The following ZNF280B variants were observed in gnomAD, a reference collection of about 807,000 sequenced individuals.
The protein encoded by ZNF280B is suppressor of hairy wing homolog 2.
In ZNF280B, 16 loss-of-function variants were observed where a neutral mutation model predicts 38.0. That is an observed-to-expected ratio of 0.42 (90% CI 0.28 to 0.64). ZNF280B has a LOEUF of 0.64. Among genes scored for constraint, ZNF280B ranks in the 30% least tolerant of loss-of-function variants. The pLI, the probability that ZNF280B is intolerant of heterozygous loss-of-function variation, is 0.21. For synonymous variants in ZNF280B, 253 were observed against 230.6 expected, an observed-to-expected ratio of 1.10 and a Z score of -0.88; for missense variants, 581 against 639.6, an observed-to-expected ratio of 0.91 and a Z score of 0.99.
chr22:22,488,669 T>TCC lies in ZNF280B; in HGVS notation c.729_730insGG (p.Ile244GlyfsTer7). 6.2e-7 allele frequency: 1 copy of TCC among 1,613,912 alleles called. No homozygotes were observed. The highest frequency in any genetic ancestry group is 2.2e-5 in the East Asian group (1 of 44,790). The stretch of plus-strand genomic sequence containing the variant: ...TTTGTATTTATAGGCTTGAAATGGA[T>TCC]ATTGTCCTTTGGAAAAGCTGCTGGA... On this transcript the variant is annotated frameshift_variant, in exon 4 of 4. Transcript: ENST00000626650. LOFTEE classifies it high-confidence loss of function.
intron 2 of ZNF280B, among the ~76,000 whole-genome samples, chr22:22,507,223 C>A (rs1413260983): frequency 6.6e-6 from 1 of 151,946 alleles, no homozygotes; most frequent in African/African-American, 2.4e-5. Flanking sequence ...TCACTGAAAC[C>A]TCATGAGTGA....
Position 22,488,307 on chromosome 22 carries a change from A to G in ZNF280B, c.1092T>C (p.Asn364=), listed in dbSNP as rs1337068339. The G allele has an allele frequency of 6.2e-7, 1 of 1,613,776 alleles. No individual in the cohort carries two copies. The highest frequency in any genetic ancestry group is 1.1e-5 in the South Asian group (1 of 91,070). ...TPFQLQCHIE[N]VHTAQEPSTV... The stretch of plus-strand genomic sequence containing the variant: ...TAGAGGGCTCCTGGGCAGTGTGGAC[A>G]TTTTCGATGTGACACTGTAGCTGGA... The change falls in exon 4 of 4, where the codon AAT becomes AAC. Residue 364 remains asparagine (N), a synonymous_variant. Coordinates refer to ENST00000626650, the MANE Select transcript of ZNF280B (RefSeq NM_080764.4).
chr22:22,488,677 T>C lies in ZNF280B; in HGVS notation c.722A>G (p.Lys241Arg). 1 of 1,613,894 alleles carries C rather than the reference T, an allele frequency of 6.2e-7. No homozygotes were observed. Among genetic ancestry groups the C allele is most frequent in the Non-Finnish European group, 8.5e-7 (1 of 1,179,970 alleles). ...NGAPFPAAFP[K>R]DNIHFKPINT... is the part of the protein sequence containing the mutation. ...TATAGGCTTGAAATGGATATTGTCC[T>C]TTGGAAAAGCTGCTGGAAAAGGTGC... Residue 241 changes from lysine to arginine, a missense_variant, in exon 4 of 4, where the codon AAG (lysine) becomes AGG (arginine). Physicochemically the swap from Lys to Arg is conservative, Grantham distance 26. Coordinates refer to ENST00000626650, the MANE Select transcript of ZNF280B (RefSeq NM_080764.4).
At chr22:22,496,912 G>A (rs1382350300) in intron 2 of ZNF280B, among the ~76,000 whole-genome samples, 1 of 150,800 alleles carries the variant, frequency 6.6e-6, no homozygotes, top group Non-Finnish European at 1.5e-5. Context: ...CCACCTCCTG[G>A]GTTCAAGCAA....
intron 2 of ZNF280B, among the ~76,000 whole-genome samples, chr22:22,506,258 T>C (rs1380255455): frequency 6.6e-6 from 1 of 151,710 alleles, no homozygotes; most frequent in African/African-American, 2.4e-5. Context: ...ATCTAAGCTC[T>C]GGAGCATTCC....
intron 2 of ZNF280B, among the ~76,000 whole-genome samples, chr22:22,499,267 TTTAA>T (rs1322993870): frequency 6.6e-6 from 1 of 151,476 alleles, no homozygotes; most frequent in Non-Finnish European, 1.5e-5. Flanking sequence ...TATTTTTAAT[TTTAA>T]TTTTTTTTTT....
intron 2 of ZNF280B, among the ~76,000 whole-genome samples, chr22:22,499,782 A>C (rs895588471): frequency 2.6e-5 from 4 of 152,032 alleles, no homozygotes; most frequent in African/African-American, 9.7e-5. Context: ...ATCAGGAACA[A>C]GACAGATATC....
rs999554465 is a variant in ZNF280B, at chr22:22,489,120, G to A, written c.279C>T (p.Thr93=). 1.1e-5 allele frequency: 17 copies of A among 1,613,670 alleles called. No homozygotes were observed. The highest frequency in any genetic ancestry group is 1.6e-4 in the Middle Eastern group (1 of 6,074). The part of the protein sequence containing the change: ...ARKLQPKSHE[T]VTSEAVTVLP... ...GGACGGTCACTGCTTCTGATGTAAC[G>A]GTCTCATGACTTTTAGGCTGCAATT... The change falls in exon 4 of 4, where the codon ACC becomes ACT. Residue 93 remains threonine (T), a synonymous_variant. Coordinates refer to ENST00000626650, the MANE Select transcript of ZNF280B (RefSeq NM_080764.4).
chr22:22,494,465 C>T (rs1412799395), intron 2 of ZNF280B, among the ~76,000 whole-genome samples: 1 of 151,874 alleles, frequency 6.6e-6, no homozygotes, highest in Non-Finnish European at 1.5e-5. Flanking sequence ...TCTAGATGTC[C>T]AGAGACCCTT....
At position 22,487,730 on chromosome 22, in the gene ZNF280B, G is replaced by A; in HGVS notation, c.*37C>T. 6.6e-7 allele frequency: 1 copy of A among 1,518,894 alleles called. No homozygotes were observed. Among genetic ancestry groups the A allele is most frequent in the Non-Finnish European group, 8.8e-7 (1 of 1,136,284 alleles). 94.1% of individuals were successfully genotyped at this position (1,518,894 alleles called of 1,614,324 possible). A position where few individuals can be genotyped will look rare whatever the true frequency, so the allele number is the denominator to read the frequency against. On this transcript the variant is annotated 3_prime_UTR_variant, in exon 4 of 4. Coordinates refer to ENST00000626650, the MANE Select transcript of ZNF280B (RefSeq NM_080764.4). Reference sequence around the variant, plus strand: ...TTGTTTTATGAGGTTTTTTAATTTGGTTTGAAATACTTGCTTTAGATTTAC... The same window carrying A: ...TTGTTTTATGAGGTTTTTTAATTTGATTTGAAATACTTGCTTTAGATTTAC...
In ZNF280B at chr22:22,485,906, C is replaced by G. The variant is rs2061495332; in HGVS notation, c.*1861G>C. 1 of 152,008 alleles carries G rather than the reference C, an allele frequency of 6.6e-6. No homozygotes were observed. Among genetic ancestry groups the G allele is most frequent in the East Asian group, 2.0e-4 (1 of 5,056 alleles). The allele number at this position is 152,008 out of a possible 1,614,324, so 9.4% of individuals were successfully genotyped here. On this transcript the variant is annotated 3_prime_UTR_variant, in exon 4 of 4. Transcript: ENST00000626650. The stretch of plus-strand genomic sequence containing the variant: ...GCAGGGAGACAACTCCGGGAGTCCA[C>G]AGAGGCAGCCAAGACTGCTGATGTT...
At chr22:22,507,082 T>C (rs1403606895) in intron 2 of ZNF280B, among the ~76,000 whole-genome samples, 3 of 151,902 alleles carry the variant, frequency 2.0e-5, no homozygotes, top group Non-Finnish European at 4.4e-5. Flanking sequence ...TGCTGTGACA[T>C]GAACAGCCCC....
chr22:22,498,793 C>CTTTT (rs60940298), intron 2 of ZNF280B, among the ~76,000 whole-genome samples: 1,950 of 83,458 alleles, frequency 0.023, 130 homozygotes, highest in African/African-American at 0.083. Context: ...GGCCAATATC[C>CTTTT]TTTTTTTTTT....
At chr22:22,501,008 A>T (rs1444680112) in intron 2 of ZNF280B, among the ~76,000 whole-genome samples, 1 of 140,440 alleles carries the variant, frequency 7.1e-6, no homozygotes. Flanking sequence ...CAACACACCA[A>T]GACTCCGTCT....
intron 3 of ZNF280B, among the ~76,000 whole-genome samples, chr22:22,491,457 C>CTTTTTTTTTTTT (rs55720546): frequency 1.5e-4 from 17 of 113,974 alleles, no homozygotes; most frequent in Non-Finnish European, 2.4e-4. Flanking sequence ...TGTCTTTTTT[C>CTTTTTTTTTTTT]TTTTTTTTTT....
chr22:22,489,313 T>C lies in ZNF280B; in HGVS notation c.86A>G (p.Glu29Gly), dbSNP rs746142318. The C allele has an allele frequency of 1.9e-6, 3 of 1,613,830 alleles. No individual in the cohort carries two copies. The highest frequency in any genetic ancestry group is 2.5e-6 in the Non-Finnish European group (3 of 1,179,944). ...ATGTTCCACACCAACAAAGATGAGC[T>C]CAGCATCTTCGTCATCTACTTGTTT... ...ETKQVDDEDA[E>G]LIFVGVEHVN... Residue 29 changes from glutamate to glycine, a missense_variant, in exon 4 of 4, where the codon GAG becomes GGG. Coordinates refer to ENST00000626650, the MANE Select transcript of ZNF280B (RefSeq NM_080764.4).
chr22:22,497,167 C>T (rs997075964), intron 2 of ZNF280B, among the ~76,000 whole-genome samples: 1 of 127,648 alleles, frequency 7.8e-6, no homozygotes, highest in Non-Finnish European at 1.6e-5. Context: ...TTCCCCTTTT[C>T]CTTCCCTTCC....
chr22:22,496,149 C>T (rs1311318235), intron 2 of ZNF280B, among the ~76,000 whole-genome samples: 1 of 136,890 alleles, frequency 7.3e-6, no homozygotes, highest in Non-Finnish European at 1.5e-5. Flanking sequence ...CGCTGTGTCA[C>T]CCAGGATGGA....
rs2061543638 is a variant in ZNF280B, at chr22:22,489,090, T to G, written c.309A>C (p.Pro103=). ...TTGATCTCGATTCAAGTTGGGAAGC[T>G]GGCAGGACGGTCACTGCTTCTGATG... The part of the protein sequence containing the change: ...TVTSEAVTVL[P]ASQLESRSTD... Residue 103 remains proline, a synonymous_variant, in exon 4 of 4, where the codon CCA becomes CCC. Coordinates refer to ENST00000626650, the MANE Select transcript of ZNF280B (RefSeq NM_080764.4). 1.2e-6 allele frequency: 2 copies of G among 1,613,794 alleles called. No homozygotes were observed. The highest frequency in any genetic ancestry group is 3.3e-5 in the Admixed American group (2 of 59,958).
Sources: allele counts gnomAD v4.1 joint callset (sites outside exome capture counted in the v4.1 genomes callset), GRCh38; gene constraint gnomAD v4.1.1; transcripts MANE v1.5; gene names NCBI Gene and HGNC (gene_info 2026-07-23, HGNC 2026-07-21).